The following PDE4D variants were observed in gnomAD, a reference collection of about 807,000 sequenced individuals.
PDE4D encodes 3',5'-cyclic-AMP phosphodiesterase 4D.
PDE4D carries 24 observed loss-of-function variants against 87.4 expected under a neutral mutation model. The ratio of observed to expected loss-of-function variants is 0.27; its 90% CI spans 0.20 to 0.39. The LOEUF is 0.39. Ranked by LOEUF, PDE4D falls within the 10% of genes least tolerant of loss-of-function variation. The pLI is 1.00. For missense variants in PDE4D, 714 were observed against 1,041.0 expected (o/e 0.69, Z 4.32); for synonymous variants, 384 against 383.2 (o/e 1.00, Z -0.02).
At position 59,899,419 on chromosome 5, in the gene PDE4D, G is replaced by A. The variant is rs571564209; in HGVS notation, c.272+89069C>T. Among the ~76,000 whole-genome samples, 53 of 151,482 alleles carry A rather than the reference G, an allele frequency of 3.5e-4. 1 individual carries two copies. Among genetic ancestry groups the A allele is most frequent in the African/African-American group, 1.2e-3 (50 of 41,266 alleles). On this transcript the variant is annotated intron_variant, in intron 3 of 16. Transcript: ENST00000502484. ...CCTCCTCTTCTAATTAAAAAAGACA[G>A]AATAAACACCTAAGCACATATATAT...
At chr5:60,250,240 GT>G (rs202095058) in intron 1 of PDE4D, among the ~76,000 whole-genome samples, 4 of 151,528 alleles carry the variant, frequency 2.6e-5, no homozygotes, top group African/African-American at 7.3e-5. Context: ...AATATTGAAG[GT>G]TTTTTTTAAT....
At chr5:59,445,958 A>G (rs978793968) in intron 1 of PDE4D, among the ~76,000 whole-genome samples, 2 of 152,298 alleles carry the variant, frequency 1.3e-5, no homozygotes, top group Non-Finnish European at 2.9e-5. Context: ...GTAGCTATAA[A>G]TGAATTCCCA....
intron 1 of PDE4D, among the ~76,000 whole-genome samples, chr5:59,287,306 C>T (rs1242826786): frequency 6.6e-6 from 1 of 152,002 alleles, no homozygotes; most frequent in Non-Finnish European, 1.5e-5. Context: ...GCAGTGGTGG[C>T]CACAGGGAGA....
rs377253379 is a variant in PDE4D at position 59,047,289 on chromosome 5, G to A, written c.809-8318C>T. Among the ~76,000 whole-genome samples, 4 of 152,252 alleles carry A rather than the reference G, an allele frequency of 2.6e-5. No homozygotes were observed. The East Asian group carries it at 7.7e-4, about 29-fold the overall frequency. On this transcript the variant is annotated intron_variant, in intron 5 of 14. Transcript: ENST00000340635. ...GTTAGAAAGAAAAAAGAATTTCAAG[G>A]AATGAACAGGGATTCATTCTGAAGA...
intron 1 of PDE4D, among the ~76,000 whole-genome samples, chr5:59,402,848 C>T (rs1369826985): frequency 6.6e-6 from 1 of 151,892 alleles, no homozygotes; most frequent in Non-Finnish European, 1.5e-5. Flanking sequence ...ACTCTTTCAC[C>T]ATTTCACCTC....
chr5:59,577,268 A>C (rs1165897975), intron 1 of PDE4D, among the ~76,000 whole-genome samples: 1 of 152,132 alleles, frequency 6.6e-6, no homozygotes, highest in African/African-American at 2.4e-5. Context: ...TCCCCATGAA[A>C]AAGGCTGCCA....
At chr5:60,017,918 G>A (rs1488428599) in intron 2 of PDE4D, among the ~76,000 whole-genome samples, 1 of 152,208 alleles carries the variant, frequency 6.6e-6, no homozygotes, top group Non-Finnish European at 1.5e-5. Context: ...CAGCCACAGT[G>A]TAAAAGCGTT....
At chr5:60,063,294 C>T (rs540568749) in intron 2 of PDE4D, among the ~76,000 whole-genome samples, 149 of 152,144 alleles carry the variant, frequency 9.8e-4, no homozygotes, top group Non-Finnish European at 1.9e-3. Flanking sequence ...TCTTTCTTAA[C>T]TTTATAAATA....
intron 1 of PDE4D, among the ~76,000 whole-genome samples, chr5:60,310,274 C>A (rs1754891774): frequency 6.6e-6 from 1 of 152,124 alleles, no homozygotes; most frequent in Admixed American, 6.5e-5. Context: ...ATCACATATA[C>A]AGTATTACGT....
intron 1 of PDE4D, among the ~76,000 whole-genome samples, chr5:59,607,022 T>A (rs1047600774): frequency 1.3e-5 from 2 of 152,090 alleles, no homozygotes; most frequent in African/African-American, 4.8e-5. Context: ...AAGTAACCAA[T>A]ATTTTTCCCT....
At chr5:59,998,110 G>A (rs1763680736) in intron 2 of PDE4D, among the ~76,000 whole-genome samples, 1 of 152,116 alleles carries the variant, frequency 6.6e-6, no homozygotes, top group Non-Finnish European at 1.5e-5. Flanking sequence ...CGTCTTTTAA[G>A]ACCTCTCAGT....
intron 1 of PDE4D, among the ~76,000 whole-genome samples, chr5:59,231,402 G>A (rs1274403450): frequency 6.6e-6 from 1 of 152,126 alleles, no homozygotes; most frequent in Non-Finnish European, 1.5e-5. Context: ...CCACTTTCAG[G>A]ACTGGCTCAT....
chr5:60,347,438 G>A (rs1214752966), intron 1 of PDE4D, among the ~76,000 whole-genome samples: 1 of 152,248 alleles, frequency 6.6e-6, no homozygotes, highest in Non-Finnish European at 1.5e-5. Context: ...GTAGGGGACT[G>A]ACATGATCTA....
In PDE4D at chr5:59,359,555, TGAA is replaced by T. The variant is rs376060273; in HGVS notation, c.456-143590_456-143588del. ...CAAATAGAAATATCAATATTGTTTT[TGAA>T]GAACTGGCTAATATTTCACAGACAT... On this transcript the variant is annotated intron_variant, in intron 1 of 14. Coordinates refer to ENST00000340635, the MANE Select transcript of PDE4D (RefSeq NM_001104631.2). 1.6e-3 allele frequency among the ~76,000 whole-genome samples: 250 copies of T among 152,272 alleles called. 1 individual carries two copies. Among genetic ancestry groups the T allele is most frequent in the African/African-American group, 5.8e-3 (240 of 41,562 alleles).
At chr5:59,165,062 G>A (rs1297936467) in intron 5 of PDE4D, 2 of 152,076 alleles carry the variant, frequency 1.3e-5, no homozygotes, top group Non-Finnish European at 1.5e-5. Context: ...TAAAAAAAAT[G>A]AGTATCATAA....
chr5:59,052,818 A>G (rs1334722043), intron 5 of PDE4D, among the ~76,000 whole-genome samples: 1 of 152,222 alleles, frequency 6.6e-6, no homozygotes, highest in Non-Finnish European at 1.5e-5. Context: ...TAATCTAAAA[A>G]TCATATATTC....
chr5:59,670,925 T>G (rs918280488), intron 1 of PDE4D, among the ~76,000 whole-genome samples: 1 of 152,170 alleles, frequency 6.6e-6, no homozygotes, highest in African/African-American at 2.4e-5. Context: ...TGCCTCAGCA[T>G]CCCAAGTAGT....
At chr5:59,829,520 G>A (rs540385753) in intron 1 of PDE4D, among the ~76,000 whole-genome samples, 124 of 151,948 alleles carry the variant, frequency 8.2e-4, no homozygotes, top group Non-Finnish European at 1.5e-3. Context: ...ACTCTCTTCC[G>A]GTTTGTCAGG....
At chr5:60,184,817 C>T (rs577385033) in intron 2 of PDE4D, among the ~76,000 whole-genome samples, 2 of 152,294 alleles carry the variant, frequency 1.3e-5, no homozygotes, top group South Asian at 4.1e-4. Flanking sequence ...GTTCCTACGT[C>T]ACAAGTACAT....
Sources: allele counts gnomAD v4.1 joint callset (sites outside exome capture counted in the v4.1 genomes callset), GRCh38; gene constraint gnomAD v4.1.1; transcripts MANE v1.5; gene names NCBI Gene and HGNC (gene_info 2026-07-23, HGNC 2026-07-21).